Variants in PUS7L observed in about 807,000 individuals in gnomAD.
The protein encoded by PUS7L is pseudouridylate synthase PUS7L.
PUS7L carries 49 observed loss-of-function variants against 51.1 expected under a neutral mutation model. That is an observed-to-expected ratio of 0.96 (90% CI 0.76 to 1.22). The LOEUF is 1.22. PUS7L is among the 50% of genes most tolerant of loss of function. The pLI is 0.00. For synonymous variants in PUS7L, 277 were observed against 276.2 expected (o/e 1.00, Z -0.03); for missense variants, 828 against 820.6 (o/e 1.01, Z -0.11).
chr12:43,743,776 T>A (rs574184574), intron 4 of PUS7L, among the ~76,000 whole-genome samples: 16 of 151,854 alleles, frequency 1.1e-4, no homozygotes, highest in African/African-American at 3.9e-4. Flanking sequence ...AAAAAAAAAA[T>A]TAATTACAGA....
chr12:43,732,985 A>G (rs1944595577), intron 7 of PUS7L, among the ~76,000 whole-genome samples: 1 of 152,210 alleles, frequency 6.6e-6, no homozygotes, highest in African/African-American at 2.4e-5. Context: ...ACTGTGATTT[A>G]AGTAATTTAT....
chr12:43,746,447 C>T (rs576835597), intron 3 of PUS7L, among the ~76,000 whole-genome samples: 27 of 152,262 alleles, frequency 1.8e-4, no homozygotes, highest in African/African-American at 6.5e-4. Context: ...ATTTTAAAAA[C>T]TTGAACATAT....
chr12:43,732,039 C>A (rs573176607), intron 7 of PUS7L, among the ~76,000 whole-genome samples: 91 of 152,292 alleles, frequency 6.0e-4, no homozygotes, highest in Non-Finnish European at 8.2e-4. Context: ...CACCAGCAAT[C>A]TTTTTCTAAA....
intron 2 of PUS7L, among the ~76,000 whole-genome samples, chr12:43,752,997 A>C (rs936967811): frequency 6.6e-6 from 1 of 151,212 alleles, no homozygotes; most frequent in South Asian, 2.1e-4. Flanking sequence ...AATTTAAACT[A>C]ATATATAAAG....
At chr12:43,741,859 G>T (rs1224964885) in intron 5 of PUS7L, among the ~76,000 whole-genome samples, 1 of 152,080 alleles carries the variant, frequency 6.6e-6, no homozygotes, top group Non-Finnish European at 1.5e-5. Flanking sequence ...ACTATCATAA[G>T]AATAATCTTG....
rs1161304246 is a variant in PUS7L, at chr12:43,755,180, T to C, written c.66A>G (p.Gly22=). The C allele has an allele frequency of 6.2e-7, 1 of 1,610,770 alleles. No homozygotes were observed. The highest frequency in any genetic ancestry group is 8.5e-7 in the Non-Finnish European group (1 of 1,178,688). Residue 22 remains glycine (G), a synonymous_variant, in exon 2 of 9, where the codon GGA becomes GGG. Coordinates refer to ENST00000344862, the MANE Select transcript of PUS7L (RefSeq NM_031292.5). ...SSLCFFNDHV[G]FHGTIKSSPS... Reference sequence around the variant, plus strand: ...GTGAGCTTTTTATAGTGCCATGAAATCCAACGTGATCATTAAAGAAACACA... The same window carrying C: ...GTGAGCTTTTTATAGTGCCATGAAACCCAACGTGATCATTAAAGAAACACA...
intron 5 of PUS7L, chr12:43,738,773 G>A: frequency 4.0e-6 from 1 of 247,370 alleles, no homozygotes; most frequent in Non-Finnish European, 8.2e-6. Context: ...GTTTCCAAAA[G>A]CAAAAAAATT....
chr12:43,758,728 A>G lies in PUS7L; in HGVS notation c.-17+2T>C, dbSNP rs1452597310. On this transcript the variant is annotated splice_donor_variant, in intron 1 of 8. Coordinates refer to ENST00000344862, the MANE Select transcript of PUS7L (RefSeq NM_031292.5). LOFTEE classifies it low-confidence loss of function (5UTR_SPLICE). ...TCGCGCAAGAAACTCGACCCCGTCTACCTCGGTTCAGTGGAAGGCATTCAT... is the reference window on the plus strand; with the variant it reads ...TCGCGCAAGAAACTCGACCCCGTCTGCCTCGGTTCAGTGGAAGGCATTCAT... The G allele has an allele frequency of 2.1e-6, 2 of 961,758 alleles. No homozygotes were observed. Among genetic ancestry groups the G allele is most frequent in the Non-Finnish European group, 2.4e-6 (2 of 825,436 alleles). The allele number at this position is 961,758 out of a possible 1,614,324, so 59.6% of individuals were successfully genotyped here. A position where few individuals can be genotyped will look rare whatever the true frequency, so the allele number is the denominator to read the frequency against.
At chr12:43,730,880 A>C (rs779036937) in intron 8 of PUS7L, among the ~76,000 whole-genome samples, 178 bp from the exon 9 acceptor site, 1 of 152,176 alleles carries the variant, frequency 6.6e-6, no homozygotes, top group East Asian at 1.9e-4. Context: ...TATGCTGCCA[A>C]AGAAAATAGC....
chr12:43,741,635 T>A (rs539534296), intron 5 of PUS7L, among the ~76,000 whole-genome samples: 2 of 152,250 alleles, frequency 1.3e-5, no homozygotes, highest in East Asian at 3.8e-4. Flanking sequence ...AGACTCTTTA[T>A]TATATCAGTT....
rs188537839 is a variant in PUS7L, at chr12:43,744,086, T to C, written c.1264-1531A>G. ...TAATAGGCAGCTGTATGTTCATAAA[T>C]AACAAATGAAAGACAGGGAATAAAT... On this transcript the variant is annotated intron_variant, in intron 4 of 8. Coordinates refer to ENST00000344862, the MANE Select transcript of PUS7L (RefSeq NM_031292.5). Among the ~76,000 whole-genome samples, 155 of 152,206 alleles carry C rather than the reference T, an allele frequency of 1.0e-3. 2 individuals are homozygous for C. The highest frequency in any genetic ancestry group is 8.7e-3 in the Admixed American group (133 of 15,294).
In PUS7L at chr12:43,725,023, A is replaced by C. The variant is rs1235952007; in HGVS notation, c.*5353T>G. 2 of 152,206 alleles carry C rather than the reference A, an allele frequency of 1.3e-5. No individual in the cohort carries two copies. Among genetic ancestry groups the C allele is most frequent in the Non-Finnish European group, 2.9e-5 (2 of 68,030 alleles). 9.4% of individuals were successfully genotyped at this position (152,206 alleles called of 1,614,324 possible). A position where few individuals can be genotyped will look rare whatever the true frequency, so the allele number is the denominator to read the frequency against. ...ATGTTTCTGAGCCTGAGGCCTGCAT[A>C]GTTGGCTAAAAAGGTAAATCAGCCA... On this transcript the variant is annotated 3_prime_UTR_variant, in exon 9 of 9. Coordinates refer to ENST00000344862, the MANE Select transcript of PUS7L (RefSeq NM_031292.5).
chr12:43,756,265 A>C (rs900283608), intron 1 of PUS7L, among the ~76,000 whole-genome samples: 1 of 152,186 alleles, frequency 6.6e-6, no homozygotes, highest in African/African-American at 2.4e-5. Context: ...TTTCCTGTAC[A>C]GTTCCCTCAC....
rs1938601457 is a variant in PUS7L, at chr12:43,754,551, G to A, written c.695C>T (p.Thr232Ile). 1.1e-5 allele frequency: 18 copies of A among 1,609,806 alleles called. No homozygotes were observed. The highest frequency in any genetic ancestry group is 1.4e-5 in the Non-Finnish European group (16 of 1,178,610). ...GTCTTTGTTTGTATCAGGTTTAAAG[G>A]TAAATTTGGAATTTTCTTTCTTTGC... The part of the protein sequence containing the change: ...LDAKKENSKF[T>I]FKPDTNKDHR... The change falls in exon 2 of 9, where the codon ACC (threonine) becomes ATC (isoleucine). Residue 232 changes from threonine (T) to isoleucine (I), a missense_variant. Coordinates refer to ENST00000344862, the MANE Select transcript of PUS7L (RefSeq NM_031292.5).
In PUS7L at chr12:43,729,469, T is replaced by C. The variant is rs907363661; in HGVS notation, c.*907A>G. 5 of 346,006 alleles carry C rather than the reference T, an allele frequency of 1.4e-5. No individual in the cohort carries two copies. The highest frequency in any genetic ancestry group is 1.1e-4 in the African/African-American group (5 of 47,586). 21.4% of individuals were successfully genotyped at this position (346,006 alleles called of 1,614,324 possible). ...CCCCAACACACCCATATTTAACTGA[T>C]ATAAAATGGTGAAGGATGATTTATA... is the stretch of plus-strand genomic sequence containing the variant. On this transcript the variant is annotated 3_prime_UTR_variant, in exon 9 of 9. Coordinates refer to ENST00000344862, the MANE Select transcript of PUS7L (RefSeq NM_031292.5).
At chr12:43,738,121 A>G (rs1937698844) in intron 6 of PUS7L, 189 bp downstream of exon 6, 5 of 508,246 alleles carry the variant, frequency 9.8e-6, no homozygotes, top group Non-Finnish European at 3.4e-6. Flanking sequence ...CATAGACAAA[A>G]AAACTTCCAA....
chr12:43,735,240 C>T (rs1225935258), intron 7 of PUS7L, among the ~76,000 whole-genome samples: 2 of 151,888 alleles, frequency 1.3e-5, no homozygotes, highest in Non-Finnish European at 2.9e-5. Flanking sequence ...TGGCGTGAAC[C>T]CGGGAGGCAG....
chr12:43,740,228 A>G (rs1937829647), intron 5 of PUS7L, among the ~76,000 whole-genome samples: 1 of 152,178 alleles, frequency 6.6e-6, no homozygotes, highest in Non-Finnish European at 1.5e-5. Flanking sequence ...TTTCTAAAGC[A>G]CGTGTCTTAG....
rs1003332607 is a variant in PUS7L, at chr12:43,729,062, AG to A, written c.*1313del. The A allele has an allele frequency of 2.6e-6, 1 of 388,342 alleles. No individual in the cohort carries two copies. Among genetic ancestry groups the A allele is most frequent in the Admixed American group, 4.5e-5 (1 of 22,432 alleles). The allele number at this position is 388,342 out of a possible 1,614,324, so 24.1% of individuals were successfully genotyped here. A position where few individuals can be genotyped will look rare whatever the true frequency, so the allele number is the denominator to read the frequency against. ...GTTGTAACATATGTGTTCTACTTTT[AG>A]GGGGCAACATTTTCTCATGAAACTA... On this transcript the variant is annotated 3_prime_UTR_variant, in exon 9 of 9. Transcript: ENST00000344862.
Sources: allele counts gnomAD v4.1 joint callset (sites outside exome capture counted in the v4.1 genomes callset), GRCh38; gene constraint gnomAD v4.1.1; transcripts MANE v1.5; gene names NCBI Gene and HGNC (gene_info 2026-07-23, HGNC 2026-07-21).